The following LHPP variants were observed in gnomAD, a reference collection of about 807,000 sequenced individuals.
The protein encoded by LHPP is phospholysine phosphohistidine inorganic pyrophosphate phosphatase.
Under a neutral mutation model 30.3 loss-of-function variants are expected in LHPP, and 24 were observed. The ratio of observed to expected loss-of-function variants is 0.79; its 90% confidence interval spans 0.57 to 1.11. The LOEUF (loss-of-function observed/expected upper bound fraction) is 1.11. Ranked by LOEUF, LHPP falls within the 50% of genes most tolerant of loss-of-function variation. The pLI is 0.00. For synonymous variants in LHPP, 150 were observed against 157.1 expected (o/e 0.95, Z 0.34); for missense variants, 356 against 367.2 (o/e 0.97, Z 0.25).
At chr10:124,594,575 C>G (rs1948919961) in intron 6 of LHPP, among the ~76,000 whole-genome samples, 1 of 151,890 alleles carries the variant, frequency 6.6e-6, no homozygotes, top group East Asian at 1.9e-4. Context: ...GTCTCCTTTT[C>G]TATCGTAAAT....
chr10:124,544,983 G>A (rs1955297865), intron 6 of LHPP, among the ~76,000 whole-genome samples: 1 of 152,196 alleles, frequency 6.6e-6, no homozygotes, highest in Non-Finnish European at 1.5e-5. Context: ...GTGGCTCCCA[G>A]TGGGTGTCTC....
At chr10:124,543,941 C>G (rs1417803782) in intron 6 of LHPP, among the ~76,000 whole-genome samples, 1 of 152,208 alleles carries the variant, frequency 6.6e-6, no homozygotes, top group South Asian at 2.1e-4. Context: ...ATACTAAAAG[C>G]AACGATTTAT....
At chr10:124,499,277 C>T (rs1406919817) in intron 5 of LHPP, among the ~76,000 whole-genome samples, 1 of 151,466 alleles carries the variant, frequency 6.6e-6, no homozygotes, top group African/African-American at 2.4e-5. Context: ...GCCTCGGCCT[C>T]CCAAAGTGCT....
chr10:124,589,005 C>T (rs1639079667), intron 6 of LHPP, among the ~76,000 whole-genome samples: 1 of 152,210 alleles, frequency 6.6e-6, no homozygotes, highest in Admixed American at 6.5e-5. Context: ...TAAATCAAGG[C>T]TTTCCCCAGC....
rs1423236958 is a variant in LHPP, at chr10:124,510,002, A to T, written c.625-7178A>T. Among the ~76,000 whole-genome samples, 2 of 152,024 alleles carry T rather than the reference A, an allele frequency of 1.3e-5. No individual in the cohort carries two copies. The highest frequency in any genetic ancestry group is 2.4e-5 in the African/African-American group (1 of 41,396). ...GGCAGGCAGATGCGTAAGAGGGAGGATTGACTGCTGTAGCACCCGACCCAG... is the reference window on the plus strand; with the variant it reads ...GGCAGGCAGATGCGTAAGAGGGAGGTTTGACTGCTGTAGCACCCGACCCAG... On this transcript the variant is annotated intron_variant, in intron 5 of 6. Transcript: ENST00000368842. This position sits in a 1 kb window ranked among gnomAD's most constrained non-coding sequence, Gnocchi z 4.0.
intron 5 of LHPP, among the ~76,000 whole-genome samples, chr10:124,506,563 G>A (rs372513739): frequency 2.4e-4 from 37 of 151,118 alleles, no homozygotes; most frequent in African/African-American, 7.6e-4. Context: ...CCAAACCATC[G>A]TCTTCCAGCC....
chr10:124,507,118 A>G (rs1252737198), intron 5 of LHPP, among the ~76,000 whole-genome samples: 1 of 44,654 alleles, frequency 2.2e-5, no homozygotes, highest in Non-Finnish European at 4.0e-5. Flanking sequence ...GCAGGGGTAG[A>G]CAGGATTTCA....
chr10:124,533,946 A>G (rs1335322258), intron 6 of LHPP, among the ~76,000 whole-genome samples: 1 of 150,484 alleles, frequency 6.6e-6, no homozygotes, highest in Non-Finnish European at 1.5e-5. Flanking sequence ...CTTTCCCATG[A>G]GTCGAGGCTC....
chr10:124,562,477 A>T (rs1948411015), intron 6 of LHPP, among the ~76,000 whole-genome samples: 1 of 152,216 alleles, frequency 6.6e-6, no homozygotes, highest in Non-Finnish European at 1.5e-5. Context: ...GAAAATAGAG[A>T]TGACCCAATC....
chr10:124,557,335 G>A (rs115186980), intron 6 of LHPP, among the ~76,000 whole-genome samples: 1,887 of 152,330 alleles, frequency 0.012, 31 homozygotes, highest in African/African-American at 0.042. Flanking sequence ...GCTGGGCCTC[G>A]CCAGGGCCTG....
At chr10:124,498,910 C>T (rs1322022243) in intron 5 of LHPP, 2 of 277,194 alleles carry the variant, frequency 7.2e-6, no homozygotes, top group Non-Finnish European at 1.4e-5. Context: ...GAGACAGAGT[C>T]TCACTCTGTC....
chr10:124,519,396 T>A (rs1954547892), intron 6 of LHPP, among the ~76,000 whole-genome samples: 2 of 152,240 alleles, frequency 1.3e-5, no homozygotes, highest in Non-Finnish European at 2.9e-5. Context: ...TGAACACTGT[T>A]TTATGGCCTC....
At position 124,590,970 on chromosome 10, in the gene LHPP, G is replaced by A. The variant is rs1306334291; in HGVS notation, c.717-22294G>A. On this transcript the variant is annotated intron_variant, in intron 6 of 6. Transcript: ENST00000368842. The surrounding 1 kb of genome is among the most constrained non-coding windows in gnomAD (Gnocchi z 4.3). ...CAGAAGCAGTCTCGCCCATCCTGGG[G>A]CCTGAGAGCATCATTCCTTTGTGAG... Among the ~76,000 whole-genome samples, 3 of 152,208 alleles carry A rather than the reference G, an allele frequency of 2.0e-5. No homozygotes were observed. Among genetic ancestry groups the A allele is most frequent in the Non-Finnish European group, 4.4e-5 (3 of 68,028 alleles).
chr10:124,484,826 G>A (rs185175465), intron 2 of LHPP, among the ~76,000 whole-genome samples: 15 of 152,272 alleles, frequency 9.9e-5, no homozygotes, highest in East Asian at 1.9e-4. Flanking sequence ...TGCAAATGGC[G>A]TAGGAACAAG....
intron 6 of LHPP, among the ~76,000 whole-genome samples, chr10:124,563,700 A>G (rs1331954087): frequency 6.6e-6 from 1 of 152,238 alleles, no homozygotes; most frequent in Non-Finnish European, 1.5e-5. Flanking sequence ...ATCTCCAATT[A>G]GCCCCAAATT....
chr10:124,488,414 C>T lies in LHPP; in HGVS notation c.314-8C>T, dbSNP rs768279545. The T allele has an allele frequency of 6.2e-7, 1 of 1,613,692 alleles. No homozygotes were observed. Among genetic ancestry groups the T allele is most frequent in the African/African-American group, 1.3e-5 (1 of 75,008 alleles). The stretch of plus-strand genomic sequence containing the variant: ...TCCGTGGCACTCTGTCTCTCTCTCT[C>T]TTTCCAGGAGTCCGCTCAGAATTTG... On this transcript the variant is annotated splice_polypyrimidine_tract_variant and splice_region_variant and intron_variant, in intron 2 of 6. Coordinates refer to ENST00000368842, the MANE Select transcript of LHPP (RefSeq NM_022126.4).
intron 6 of LHPP, chr10:124,613,052 C>A (rs1196963695): frequency 1.7e-6 from 1 of 590,048 alleles, no homozygotes; most frequent in Non-Finnish European, 3.0e-6. Context: ...GGGGAGGTGT[C>A]CAGGTTGAGG....
At chr10:124,474,697 C>T (rs1351946506) in intron 1 of LHPP, among the ~76,000 whole-genome samples, 4 of 152,098 alleles carry the variant, frequency 2.6e-5, no homozygotes, top group Admixed American at 2.6e-4. Context: ...GAAACATGAA[C>T]CCACCTCTCA....
chr10:124,499,383 C>T (rs1248170710), intron 5 of LHPP, among the ~76,000 whole-genome samples: 1 of 151,828 alleles, frequency 6.6e-6, no homozygotes, highest in African/African-American at 2.4e-5. Flanking sequence ...GAGGCTGACG[C>T]CTGTAGTCCC....
Sources: gnomAD v4.1 joint callset for allele counts (sites outside exome capture counted in the v4.1 genomes callset) on GRCh38, gnomAD v4.1.1 for gene constraint, Gnocchi (gnomAD v3.1) non-coding constraint, MANE v1.5 for transcripts, NCBI Gene and HGNC (gene_info 2026-07-23, HGNC 2026-07-21) for gene names.